Variants in FOXN2 observed in about 807,000 individuals in gnomAD.
The protein encoded by FOXN2 is forkhead box N2.
A neutral mutation model predicts 41.2 loss-of-function variants in FOXN2; 19 were observed. That is an observed-to-expected ratio of 0.46 (90% CI 0.32 to 0.68). FOXN2 has a LOEUF of 0.68. Among genes scored for constraint, FOXN2 ranks in the 30% least tolerant of loss-of-function variants. The pLI, the probability that FOXN2 is intolerant of heterozygous loss-of-function variation, is 0.03. For missense variants in FOXN2, 587 were observed against 509.4 expected, an observed-to-expected ratio of 1.15 and a Z score of -1.47; for synonymous variants, 195 against 176.8, an observed-to-expected ratio of 1.10 and a Z score of -0.82.
intron 3 of FOXN2, among the ~76,000 whole-genome samples, chr2:48,354,273 TAGC>T (rs1009130744): frequency 1.2e-4 from 18 of 152,300 alleles, no homozygotes; most frequent in African/African-American, 4.1e-4. Context: ...GTTGAGAAAG[TAGC>T]AGCCAAAAGA....
At chr2:48,366,958 T>A (rs1240502522) in intron 5 of FOXN2, among the ~76,000 whole-genome samples, 1 of 152,124 alleles carries the variant, frequency 6.6e-6, no homozygotes, top group African/African-American at 2.4e-5. Flanking sequence ...TACATATTCA[T>A]CTAACACTTC....
At chr2:48,346,946 A>T (rs1671144676) in intron 3 of FOXN2, among the ~76,000 whole-genome samples, 195 bp downstream of exon 3, 1 of 152,198 alleles carries the variant, frequency 6.6e-6, no homozygotes, top group Non-Finnish European at 1.5e-5. Context: ...TAGCAGAATT[A>T]TGTTTTGTCC....
intron 3 of FOXN2, among the ~76,000 whole-genome samples, chr2:48,357,674 C>A (rs1156394404): frequency 3.3e-5 from 5 of 151,840 alleles, no homozygotes; most frequent in Non-Finnish European, 7.4e-5. Flanking sequence ...TGAGCACAAG[C>A]AATCACCTTC....
intron 1 of FOXN2, among the ~76,000 whole-genome samples, chr2:48,315,642 G>A (rs1489848026): frequency 6.6e-6 from 1 of 152,198 alleles, no homozygotes; most frequent in African/African-American, 2.4e-5. Flanking sequence ...CAGCCTGTGT[G>A]GAACCCGGCA....
At chr2:48,320,942 G>T (rs1447629864) in intron 1 of FOXN2, among the ~76,000 whole-genome samples, 1 of 152,098 alleles carries the variant, frequency 6.6e-6, no homozygotes, top group African/African-American at 2.4e-5. Flanking sequence ...GTCAGAGATT[G>T]CCTAAGTATG....
At chr2:48,314,880 C>G (rs933060511) in intron 1 of FOXN2, 66 bp downstream of exon 1, 5 of 151,876 alleles carry the variant, frequency 3.3e-5, no homozygotes, top group Admixed American at 2.0e-4. Context: ...CGGCGCAGCT[C>G]CCGGGCGCGG....
chr2:48,317,509 A>G (rs1668999593), intron 1 of FOXN2, among the ~76,000 whole-genome samples: 2 of 151,308 alleles, frequency 1.3e-5, no homozygotes, highest in South Asian at 2.1e-4. Flanking sequence ...TTGGGAAACT[A>G]ACATTTAAGG....
At chr2:48,362,196 AT>A (rs1672236935) in intron 4 of FOXN2, among the ~76,000 whole-genome samples, 1 of 152,218 alleles carries the variant, frequency 6.6e-6, no homozygotes, top group African/African-American at 2.4e-5. Flanking sequence ...ATTGAGTAGT[AT>A]TAGCAAAGAA....
intron 1 of FOXN2, among the ~76,000 whole-genome samples, chr2:48,317,420 G>A (rs1311166625): frequency 4.0e-5 from 6 of 151,274 alleles, no homozygotes; most frequent in African/African-American, 1.2e-4. Context: ...CTGCACTCCA[G>A]CCTGGGCAAC....
Position 48,341,891 on chromosome 2 carries a change from G to A in FOXN2, c.-14-4310G>A, listed in dbSNP as rs1213875826. 7.2e-5 allele frequency among the ~76,000 whole-genome samples: 11 copies of A among 152,146 alleles called. No homozygotes were observed. In the South Asian group the frequency reaches 1.9e-3, roughly 26 times the overall value. ...CCCTTATTTACCAATGGGCTAATTCGTGTTATGGAAAAGGTTTGTAACAGA... is the reference window on the plus strand; with the variant it reads ...CCCTTATTTACCAATGGGCTAATTCATGTTATGGAAAAGGTTTGTAACAGA... On this transcript the variant is annotated intron_variant, in intron 2 of 6. Coordinates refer to ENST00000340553, the MANE Select transcript of FOXN2 (RefSeq NM_002158.4).
At position 48,375,940 on chromosome 2, in the gene FOXN2, A is replaced by AT. The variant is rs1368872780; in HGVS notation, c.*507dup. 8.7e-4 allele frequency: 131 copies of AT among 149,860 alleles called. No homozygotes were observed. The highest frequency in any genetic ancestry group is 2.7e-3 in the African/African-American group (109 of 40,920). 9.3% of individuals were successfully genotyped at this position (149,860 alleles called of 1,614,324 possible). On this transcript the variant is annotated 3_prime_UTR_variant, in exon 7 of 7. Coordinates refer to ENST00000340553, the MANE Select transcript of FOXN2 (RefSeq NM_002158.4). ...TTTACTTTGTCTTAATTTGTTTCTA[A>AT]TTTTTTTTTTGTTGTCGTGTGAGCA...
At chr2:48,338,398 A>ATTTT (rs199837642) in intron 2 of FOXN2, among the ~76,000 whole-genome samples, 6 of 148,336 alleles carry the variant, frequency 4.0e-5, no homozygotes, top group African/African-American at 1.5e-4. Context: ...GAAGGATGCC[A>ATTTT]TTTTTTTTTT....
chr2:48,356,225 G>C (rs1408835653), intron 3 of FOXN2, among the ~76,000 whole-genome samples: 1 of 152,218 alleles, frequency 6.6e-6, no homozygotes, highest in African/African-American at 2.4e-5. Flanking sequence ...TGGATCACTT[G>C]AGGTCAGGAG....
intron 2 of FOXN2, among the ~76,000 whole-genome samples, chr2:48,336,018 ACT>A (rs1172048109): frequency 7.2e-6 from 1 of 139,202 alleles, no homozygotes; most frequent in South Asian, 2.4e-4. Flanking sequence ...ACAGAGCAAG[ACT>A]CTGTCTCAAA....
intron 5 of FOXN2, among the ~76,000 whole-genome samples, chr2:48,363,277 T>C (rs1213491285): frequency 6.6e-6 from 1 of 152,166 alleles, no homozygotes; most frequent in Non-Finnish European, 1.5e-5. Context: ...AAAAAGTTAA[T>C]TTAAAAATAG....
intron 1 of FOXN2, among the ~76,000 whole-genome samples, chr2:48,323,185 TA>T (rs1669449095): frequency 6.6e-6 from 1 of 152,104 alleles, no homozygotes; most frequent in South Asian, 2.1e-4. Flanking sequence ...ATAACTGATA[TA>T]TTTTTGAGGG....
At chr2:48,343,381 C>G (rs1670893795) in intron 2 of FOXN2, among the ~76,000 whole-genome samples, 1 of 152,138 alleles carries the variant, frequency 6.6e-6, no homozygotes, top group African/African-American at 2.4e-5. Flanking sequence ...ATTATGAGTT[C>G]ATTTCCATCT....
rs141214863 is a variant in FOXN2, at chr2:48,350,113, C to T, written c.537+3362C>T. Among the ~76,000 whole-genome samples, 594 of 152,322 alleles carry T rather than the reference C, an allele frequency of 3.9e-3. 5 individuals are homozygous for T. The highest frequency in any genetic ancestry group is 0.013 in the African/African-American group (560 of 41,568). Reference sequence around the variant, plus strand: ...CTGCCAAGATTTAGGCAAAGATAGACCTAGAGCTGCATTCTTCAGTTGCCA... The same window carrying T: ...CTGCCAAGATTTAGGCAAAGATAGATCTAGAGCTGCATTCTTCAGTTGCCA... On this transcript the variant is annotated intron_variant, in intron 3 of 6. Transcript: ENST00000340553.
chr2:48,358,499 CG>C (rs1671953924), intron 3 of FOXN2, among the ~76,000 whole-genome samples: 1 of 152,008 alleles, frequency 6.6e-6, no homozygotes, highest in African/African-American at 2.4e-5. Flanking sequence ...ACCTATAGAA[CG>C]GTGTTCTTTC....
Sources: allele counts gnomAD v4.1 joint callset (sites outside exome capture counted in the v4.1 genomes callset), GRCh38; gene constraint gnomAD v4.1.1; transcripts MANE v1.5; gene names NCBI Gene and HGNC (gene_info 2026-07-23, HGNC 2026-07-21).